The following LRP1B variants were observed in gnomAD, a reference collection of about 807,000 sequenced individuals.
The protein encoded by LRP1B is LDL receptor related protein 1B, also known as low-density lipoprotein receptor-related protein 1B.
LRP1B carries 217 observed loss-of-function variants against 556.6 expected under a neutral mutation model. The ratio of observed to expected loss-of-function variants is 0.39; its 90% CI spans 0.35 to 0.44. The LOEUF (loss-of-function observed/expected upper bound fraction) is 0.44. Ranked by LOEUF, LRP1B falls within the 20% of genes least tolerant of loss-of-function variation. The pLI, the probability that LRP1B is intolerant of heterozygous loss-of-function variation, is 1.00. For synonymous variants in LRP1B, 2,047 were observed against 1,865.8 expected (o/e 1.10, Z -2.50); for missense variants, 5,053 against 5,620.8 (o/e 0.90, Z 3.23).
At chr2:140,722,809 C>T (rs933235653) in intron 35 of LRP1B, among the ~76,000 whole-genome samples, 5 of 152,048 alleles carry the variant, frequency 3.3e-5, no homozygotes, top group Non-Finnish European at 4.4e-5. Context: ...TTTGGGAGGC[C>T]GAGGCAGGAG....
At chr2:140,421,317 G>T (rs1685433195) in intron 66 of LRP1B, among the ~76,000 whole-genome samples, 1 of 152,118 alleles carries the variant, frequency 6.6e-6, no homozygotes, top group Non-Finnish European at 1.5e-5. Flanking sequence ...TATCAATAAA[G>T]TTGTTAAAAG....
At chr2:141,518,104 A>T (rs34376709) in intron 2 of LRP1B, among the ~76,000 whole-genome samples, 58,621 of 146,154 alleles carry the variant, frequency 0.4, 12,052 homozygotes, top group Non-Finnish European at 0.46. Flanking sequence ...TAGGTTAAAA[A>T]TTGAGCAAGG....
chr2:141,152,454 T>C (rs1282530517), intron 7 of LRP1B, among the ~76,000 whole-genome samples: 1 of 151,950 alleles, frequency 6.6e-6, no homozygotes, highest in Non-Finnish European at 1.5e-5. Context: ...CAACTCCACC[T>C]TCTTCCCTAA....
intron 1 of LRP1B, among the ~76,000 whole-genome samples, chr2:141,824,884 C>T (rs1051234586): frequency 8.5e-5 from 13 of 152,110 alleles, no homozygotes; most frequent in African/African-American, 2.9e-4. Flanking sequence ...GAGGGACCTG[C>T]TGGGAGATGG....
At chr2:140,972,943 GAT>G (rs10558342) in intron 18 of LRP1B, among the ~76,000 whole-genome samples, 84,608 of 145,424 alleles carry the variant, frequency 0.58, 26,405 homozygotes, top group Non-Finnish European at 0.69. Flanking sequence ...GCAGCTTTTT[GAT>G]ATATATATAT....
intron 2 of LRP1B, among the ~76,000 whole-genome samples, chr2:141,694,739 T>G (rs1157150236): frequency 6.6e-6 from 1 of 151,922 alleles, no homozygotes; most frequent in Non-Finnish European, 1.5e-5. Context: ...GATATAATTC[T>G]TACAAAAATT....
intron 15 of LRP1B, among the ~76,000 whole-genome samples, chr2:141,004,322 G>A (rs999771420): frequency 2.8e-4 from 43 of 152,198 alleles, no homozygotes; most frequent in African/African-American, 9.9e-4. Flanking sequence ...GCCCTCAGTC[G>A]TGTAGATGAA....
chr2:141,039,537 T>C (rs1698635834), intron 11 of LRP1B, among the ~76,000 whole-genome samples: 1 of 152,066 alleles, frequency 6.6e-6, no homozygotes. Context: ...CCATGTATTT[T>C]CACCTTCTCT....
chr2:140,900,863 A>C (rs1694084282), intron 23 of LRP1B, among the ~76,000 whole-genome samples: 1 of 152,118 alleles, frequency 6.6e-6, no homozygotes, highest in South Asian at 2.1e-4. Context: ...TAATTGATGA[A>C]AAAAGACTTG....
chr2:141,293,432 A>G (rs1222821746), intron 3 of LRP1B, among the ~76,000 whole-genome samples: 1 of 152,186 alleles, frequency 6.6e-6, no homozygotes, highest in Non-Finnish European at 1.5e-5. Context: ...AAACTGAAGT[A>G]ACAATTCCTG....
chr2:141,592,190 T>C (rs932012752), intron 2 of LRP1B, among the ~76,000 whole-genome samples: 2 of 152,162 alleles, frequency 1.3e-5, no homozygotes, highest in African/African-American at 2.4e-5. Context: ...TGCATTTCAT[T>C]TGGAAATTTT....
intron 41 of LRP1B, among the ~76,000 whole-genome samples, chr2:140,630,665 T>C (rs1057213145): frequency 6.6e-6 from 1 of 151,992 alleles, no homozygotes; most frequent in Non-Finnish European, 1.5e-5. Context: ...CAGTGAAGAA[T>C]TAAGAAAAAA....
intron 3 of LRP1B, among the ~76,000 whole-genome samples, chr2:141,273,615 C>T (rs11893499): frequency 0.28 from 42,717 of 151,994 alleles, 6,470 homozygotes; most frequent in Middle Eastern, 0.44. Flanking sequence ...AGAGTTACAA[C>T]GAGAAAACTC....
At chr2:141,592,230 C>G (rs932852923) in intron 2 of LRP1B, among the ~76,000 whole-genome samples, 1 of 152,096 alleles carries the variant, frequency 6.6e-6, no homozygotes. Context: ...TTAGTCTGTT[C>G]AGGCTGCTAG....
intron 17 of LRP1B, among the ~76,000 whole-genome samples, chr2:140,982,884 G>T (rs1696813391): frequency 6.6e-6 from 1 of 150,742 alleles, no homozygotes. Flanking sequence ...TCACTTTTCA[G>T]CACAATTATT....
At chr2:141,452,740 T>A (rs535539586) in intron 3 of LRP1B, among the ~76,000 whole-genome samples, 1 of 152,202 alleles carries the variant, frequency 6.6e-6, no homozygotes, top group Non-Finnish European at 1.5e-5. Context: ...CACCCCTGGA[T>A]GATAAACCAA....
At chr2:141,553,746 A>AC (rs991668043) in intron 2 of LRP1B, among the ~76,000 whole-genome samples, 52 of 138,182 alleles carry the variant, frequency 3.8e-4, no homozygotes, top group African/African-American at 1.4e-3. Context: ...TTATATATAA[A>AC]ATATATAATA....
intron 1 of LRP1B, among the ~76,000 whole-genome samples, chr2:141,825,293 A>C (rs932920371): frequency 9.2e-5 from 14 of 152,224 alleles, no homozygotes; most frequent in African/African-American, 3.4e-4. Flanking sequence ...GGTGTAGCAC[A>C]GATAAAAAGA....
At chr2:140,296,026 T>C (rs79930174) in intron 84 of LRP1B, among the ~76,000 whole-genome samples, 2,871 of 152,188 alleles carry the variant, frequency 0.019, 43 homozygotes, top group Non-Finnish European at 0.023. Flanking sequence ...AATTCAATTA[T>C]TTTGGTCTGG....
Sources: allele counts gnomAD v4.1 joint callset (sites outside exome capture counted in the v4.1 genomes callset), GRCh38; gene constraint gnomAD v4.1.1; transcripts MANE v1.5; gene names NCBI Gene and HGNC (gene_info 2026-07-23, HGNC 2026-07-21).